PID1: variants seen among roughly 807,000 people sequenced by gnomAD.
PID1 encodes phosphotyrosine interaction domain containing 1.
A neutral mutation model predicts 19.1 loss-of-function variants in PID1; 10 were observed. The observed-to-expected ratio is 0.52, with a 90% CI of 0.32 to 0.89. PID1 has a LOEUF of 0.89. PID1 is among the 40% of genes least tolerant of loss of function. The pLI is 0.03. For missense variants in PID1, 248 were observed against 285.3 expected (o/e 0.87, Z 0.94); for synonymous variants, 130 against 116.0 (o/e 1.12, Z -0.78).
chr2:229,088,806 T>C (rs1007099721), intron 2 of PID1, among the ~76,000 whole-genome samples: 3 of 152,120 alleles, frequency 2.0e-5, no homozygotes, highest in African/African-American at 7.2e-5. Flanking sequence ...CAAAAGCCGG[T>C]TCACTACTTT....
intron 2 of PID1, among the ~76,000 whole-genome samples, chr2:229,071,045 T>A (rs1232040225): frequency 2.0e-5 from 3 of 151,834 alleles, no homozygotes; most frequent in Non-Finnish European, 4.4e-5. Flanking sequence ...AATGTGTATA[T>A]TAATATTTAA....
intron 1 of PID1, among the ~76,000 whole-genome samples, chr2:229,269,035 G>A (rs569247563): frequency 2.0e-5 from 3 of 152,178 alleles, no homozygotes; most frequent in African/African-American, 4.8e-5. Context: ...AAATTTTTCC[G>A]CATTTGTCTC....
rs932871201 is a variant in PID1, at chr2:229,038,926, C to T, written c.178-12818G>A. Among the ~76,000 whole-genome samples, 6 of 152,266 alleles carry T rather than the reference C, an allele frequency of 3.9e-5. No individual in the cohort carries two copies. In the East Asian group the frequency reaches 1.2e-3, roughly 29 times the overall value. ...TAGGATATACCTGTTTGCCTAGAAT[C>T]GGTAAACAAACCTGAAATCTGTGGA... On this transcript the variant is annotated intron_variant, in intron 2 of 2. Coordinates refer to ENST00000392055, the MANE Select transcript of PID1 (RefSeq NM_001100818.2).
Position 229,025,794 on chromosome 2 carries a change from G to A in PID1, c.492C>T (p.Cys164=), listed in dbSNP as rs1693402976. 6.2e-7 allele frequency: 1 copy of A among 1,614,254 alleles called. No homozygotes were observed. The highest frequency in any genetic ancestry group is 1.1e-5 in the South Asian group (1 of 91,092). Residue 164 remains cysteine (C), a synonymous_variant, in exon 3 of 3, where the codon TGC becomes TGT. Coordinates refer to ENST00000392055, the MANE Select transcript of PID1 (RefSeq NM_001100818.2). ...GCTTGCTCTCGCACTCCACGGCGTG[G>A]CAGTCCATCTGGTAGGACAGGTCAT... ...INDDLSYQMD[C]HAVECESKLE...
At chr2:229,037,508 CA>C (rs2106170949) in intron 2 of PID1, among the ~76,000 whole-genome samples, 1 of 152,288 alleles carries the variant, frequency 6.6e-6, no homozygotes, top group African/African-American at 2.4e-5. Context: ...TCCCCATGTG[CA>C]ATTTGTCCTG....
At chr2:229,171,061 A>G (rs1359024182) in intron 1 of PID1, among the ~76,000 whole-genome samples, 2 of 152,196 alleles carry the variant, frequency 1.3e-5, no homozygotes, top group Non-Finnish European at 2.9e-5. Flanking sequence ...TTGATTTGCA[A>G]TTGGAAGTGC....
At chr2:229,270,333 T>C (rs1313866819) in intron 1 of PID1, among the ~76,000 whole-genome samples, 1 of 152,202 alleles carries the variant, frequency 6.6e-6, no homozygotes, top group African/African-American at 2.4e-5. Context: ...CCTCTTTCTC[T>C]TCAATCGCCT....
chr2:229,066,019 C>T (rs145712176), intron 2 of PID1, among the ~76,000 whole-genome samples: 1 of 152,236 alleles, frequency 6.6e-6, no homozygotes, highest in Non-Finnish European at 1.5e-5. Flanking sequence ...CACCAACAAC[C>T]TTTCTACTTC....
At chr2:229,256,768 T>G (rs1305088170) in intron 1 of PID1, among the ~76,000 whole-genome samples, 2 of 152,222 alleles carry the variant, frequency 1.3e-5, no homozygotes, top group African/African-American at 4.8e-5. Context: ...TTAGTATTTA[T>G]CTGACTCCCA....
At chr2:229,077,486 T>C (rs1053374005) in intron 2 of PID1, among the ~76,000 whole-genome samples, 55 of 152,344 alleles carry the variant, frequency 3.6e-4, no homozygotes, top group African/African-American at 1.3e-3. Flanking sequence ...TAGTACTGCC[T>C]AGGTTTTCTT....
At chr2:229,240,193 T>A (rs777678631) in intron 1 of PID1, among the ~76,000 whole-genome samples, 48 of 152,088 alleles carry the variant, frequency 3.2e-4, no homozygotes, top group Non-Finnish European at 5.6e-4. Context: ...GGCAATATCA[T>A]GAAAATAAAA....
At chr2:229,107,343 C>CTTCT (rs375598827) in intron 2 of PID1, among the ~76,000 whole-genome samples, 18 of 152,156 alleles carry the variant, frequency 1.2e-4, no homozygotes, top group African/African-American at 3.1e-4. Flanking sequence ...GTGGGAAAGA[C>CTTCT]TTCTTAATCT....
chr2:229,220,868 T>C (rs2106258261), intron 1 of PID1, among the ~76,000 whole-genome samples: 1 of 152,262 alleles, frequency 6.6e-6, no homozygotes, highest in South Asian at 2.1e-4. Context: ...CTTTATTCAC[T>C]ACAGTTTTAT....
chr2:229,201,297 A>C (rs1691494235), intron 1 of PID1, among the ~76,000 whole-genome samples: 1 of 151,818 alleles, frequency 6.6e-6, no homozygotes, highest in African/African-American at 2.4e-5. Flanking sequence ...CCTCTCCCTA[A>C]CTCCTAACAC....
At chr2:229,132,355 C>T in intron 2 of PID1, among the ~76,000 whole-genome samples, 1 of 152,192 alleles carries the variant, frequency 6.6e-6, no homozygotes, top group East Asian at 1.9e-4. Context: ...CCAGAGAAAA[C>T]AGTCGACATT....
chr2:229,236,499 T>C (rs1574747540), intron 1 of PID1: 1 of 152,156 alleles, frequency 6.6e-6, no homozygotes, highest in Admixed American at 6.5e-5. Flanking sequence ...GGAGGGACTT[T>C]CCTGAAATGG....
chr2:229,099,376 C>A (rs1695032772), intron 2 of PID1, among the ~76,000 whole-genome samples: 1 of 152,118 alleles, frequency 6.6e-6, no homozygotes, highest in African/African-American at 2.4e-5. Context: ...CAAATTTGCA[C>A]CCCCTGGCTT....
intron 2 of PID1, among the ~76,000 whole-genome samples, chr2:229,069,513 TACA>T (rs1195038067): frequency 6.6e-6 from 1 of 152,098 alleles, no homozygotes; most frequent in African/African-American, 2.4e-5. Context: ...ACAAAGCAAA[TACA>T]ACAAGAAAGT....
chr2:229,058,339 T>C (rs1405735103), intron 2 of PID1, among the ~76,000 whole-genome samples: 1 of 152,226 alleles, frequency 6.6e-6, no homozygotes, highest in Non-Finnish European at 1.5e-5. Context: ...AACTTTCCAA[T>C]GGTCTTCCTC....
Sources: allele counts gnomAD v4.1 joint callset (sites outside exome capture counted in the v4.1 genomes callset), GRCh38; gene constraint gnomAD v4.1.1; transcripts MANE v1.5; gene names NCBI Gene and HGNC (gene_info 2026-07-23, HGNC 2026-07-21).